Variants in NME2 observed in about 807,000 individuals in gnomAD.
NME2 encodes the protein nucleoside diphosphate kinase B.
A neutral mutation model predicts 17.8 loss-of-function variants in NME2; 18 were observed. That is an observed-to-expected ratio of 1.01 (90% CI 0.70 to 1.50). The LOEUF (loss-of-function observed/expected upper bound fraction) is 1.50, where lower values mean the gene tolerates loss of function less well. Ranked by LOEUF, NME2 falls within the 40% of genes most tolerant of loss-of-function variation. The pLI is 0.00. For synonymous variants in NME2, 74 were observed against 71.4 expected (o/e 1.04, Z -0.19); for missense variants, 161 against 195.6 (o/e 0.82, Z 1.05).
At chr17:51,169,050 T>C (rs1328017390) in intron 3 of NME2, among the ~76,000 whole-genome samples, 1 of 152,192 alleles carries the variant, frequency 6.6e-6, no homozygotes, top group Non-Finnish European at 1.5e-5. Context: ...TATTTTCTCA[T>C]GAAAAATTCA....
At chr17:51,170,885 T>A (rs989493940) in intron 4 of NME2, among the ~76,000 whole-genome samples, 1 of 152,022 alleles carries the variant, frequency 6.6e-6, no homozygotes, top group African/African-American at 2.4e-5. Context: ...AATTCCTGTG[T>A]AGTACAGCAA....
At position 51,169,963 on chromosome 17, in the gene NME2, G is replaced by A. The variant is rs779475631; in HGVS notation, c.255G>A (p.Lys85=). Residue 85 remains lysine, a synonymous_variant, in exon 4 of 5, where the codon AAG becomes AAA. Coordinates refer to ENST00000512737, the MANE Select transcript of NME2 (RefSeq NM_002512.4). ...AMVWEGLNVV[K]TGRVMLGETN... The stretch of plus-strand genomic sequence containing the variant: ...TCTGGGAGGGGCTGAACGTGGTGAA[G>A]ACAGGCCGAGTGATGCTTGGGGAGA... 39 of 1,613,476 alleles carry A rather than the reference G, an allele frequency of 2.4e-5. No homozygotes were observed. Among genetic ancestry groups the A allele is most frequent in the Admixed American group, 5.0e-5 (3 of 59,860 alleles).
chr17:51,167,246 G>GA, intron 2 of NME2: 2 of 495,246 alleles, frequency 4.0e-6, no homozygotes, highest in Non-Finnish European at 6.8e-6. Flanking sequence ...GCAGGGAGCG[G>GA]AAAAACCCCG....
At position 51,171,503 on chromosome 17, in the gene NME2, A is replaced by T. The variant is rs201216664; in HGVS notation, c.358A>T (p.Ser120Cys). 6.2e-7 allele frequency: 1 copy of T among 1,613,536 alleles called. No homozygotes were observed. The highest frequency in any genetic ancestry group is 1.3e-5 in the African/African-American group (1 of 74,916). ...CTTTCTTAGGAACATCATTCATGGC[A>T]GTGATTCAGTAAAAAGTGCTGAAAA... ...IQVGRNIIHG[S>C]DSVKSAEKEI... is the part of the protein sequence containing the mutation. Residue 120 changes from serine (S) to cysteine (C), a missense_variant, in exon 5 of 5, where the codon AGT becomes TGT. Coordinates refer to ENST00000512737, the MANE Select transcript of NME2 (RefSeq NM_002512.4).
intron 3 of NME2, among the ~76,000 whole-genome samples, chr17:51,168,871 G>C (rs564211230): frequency 1.3e-5 from 2 of 150,886 alleles, no homozygotes; most frequent in African/African-American, 4.9e-5. Context: ...GCTGAAGCAC[G>C]AGAATCGCTT....
At chr17:51,170,083 A>G (rs2050036857) in intron 4 of NME2, 34 bp downstream of exon 4, 1 of 1,515,982 alleles carries the variant, frequency 6.6e-7, no homozygotes, top group Non-Finnish European at 9.0e-7. Flanking sequence ...GATGACTTTT[A>G]TGCAACACCA....
At position 51,171,730 on chromosome 17, in the gene NME2, C is replaced by A; in HGVS notation, c.*126C>A. The A allele has an allele frequency of 1.4e-6, 1 of 694,654 alleles. No homozygotes were observed. The highest frequency in any genetic ancestry group is 2.4e-6 in the Non-Finnish European group (1 of 411,716). The allele number at this position is 694,654 out of a possible 1,614,324, so 43.0% of individuals were successfully genotyped here. A position where few individuals can be genotyped will look rare whatever the true frequency, so the allele number is the denominator to read the frequency against. On this transcript the variant is annotated 3_prime_UTR_variant, in exon 5 of 5. Transcript: ENST00000512737. Reference sequence around the variant, plus strand: ...TTATAGAGCATATTTGCCAATAAAGCTTTTGGAAGCCGGACACTGTCTCCT... The same window carrying A: ...TTATAGAGCATATTTGCCAATAAAGATTTTGGAAGCCGGACACTGTCTCCT...
At position 51,171,724 on chromosome 17, in the gene NME2, A is replaced by G. The variant is rs951874454; in HGVS notation, c.*120A>G. Reference sequence around the variant, plus strand: ...ATTCTTTTATAGAGCATATTTGCCAATAAAGCTTTTGGAAGCCGGACACTG... The same window carrying G: ...ATTCTTTTATAGAGCATATTTGCCAGTAAAGCTTTTGGAAGCCGGACACTG... On this transcript the variant is annotated 3_prime_UTR_variant, in exon 5 of 5. Coordinates refer to ENST00000512737, the MANE Select transcript of NME2 (RefSeq NM_002512.4). The G allele has an allele frequency of 1.3e-5, 10 of 757,152 alleles. No individual in the cohort carries two copies. Among genetic ancestry groups the G allele is most frequent in the Non-Finnish European group, 2.2e-5 (10 of 461,442 alleles). 46.9% of individuals were successfully genotyped at this position (757,152 alleles called of 1,614,324 possible).
intron 2 of NME2, 108 bp downstream of exon 2, chr17:51,167,064 GA>G: frequency 6.3e-7 from 1 of 1,597,626 alleles, no homozygotes. Flanking sequence ...TCGCTGCCGC[GA>G]AATCCCTTTG....
At chr17:51,167,099 C>T (rs1367353924) in intron 2 of NME2, 143 bp downstream of exon 2, 12 of 1,521,746 alleles carry the variant, frequency 7.9e-6, no homozygotes, top group Non-Finnish European at 1.1e-5. Context: ...CCCACGGCGG[C>T]TTGGGCCCGC....
chr17:51,168,670 C>T (rs1233088895), intron 3 of NME2, among the ~76,000 whole-genome samples: 4 of 142,430 alleles, frequency 2.8e-5, no homozygotes, highest in South Asian at 2.2e-4. Flanking sequence ...GACTCTGTCT[C>T]GACAAAGAAA....
rs777047437 is a variant in NME2, at chr17:51,171,522, C to G, written c.377C>G (p.Ala126Gly). 6.2e-7 allele frequency: 1 copy of G among 1,613,708 alleles called. No individual in the cohort carries two copies. Among genetic ancestry groups the G allele is most frequent in the Admixed American group, 1.7e-5 (1 of 59,992 alleles). The change falls in exon 5 of 5, where the codon GCT becomes GGT. Residue 126 changes from alanine to glycine, a missense_variant. By Grantham distance (60) the Ala-to-Gly change is moderately conservative (BLOSUM62 0). Coordinates refer to ENST00000512737, the MANE Select transcript of NME2 (RefSeq NM_002512.4). ...CATGGCAGTGATTCAGTAAAAAGTGCTGAAAAAGAAATCAGCCTATGGTTT... is the reference window on the plus strand; with the variant it reads ...CATGGCAGTGATTCAGTAAAAAGTGGTGAAAAAGAAATCAGCCTATGGTTT... ...IIHGSDSVKS[A>G]EKEISLWFKP...
chr17:51,167,084 C>G (rs1398106433), intron 2 of NME2, 128 bp downstream of exon 2: 1 of 1,563,178 alleles, frequency 6.4e-7, no homozygotes, highest in East Asian at 2.4e-5. Flanking sequence ...TGCCCTCTGC[C>G]CCCGCCCACG....
rs747276879 is a variant in NME2, at chr17:51,171,514, A to G, written c.369A>G (p.Val123=). Residue 123 remains valine (V), a synonymous_variant, in exon 5 of 5, where the codon GTA becomes GTG. Coordinates refer to ENST00000512737, the MANE Select transcript of NME2 (RefSeq NM_002512.4). ...GRNIIHGSDS[V]KSAEKEISLW... ...ACATCATTCATGGCAGTGATTCAGTAAAAAGTGCTGAAAAAGAAATCAGCC... is the reference window on the plus strand; with the variant it reads ...ACATCATTCATGGCAGTGATTCAGTGAAAAGTGCTGAAAAAGAAATCAGCC... The G allele has an allele frequency of 6.2e-7, 1 of 1,613,774 alleles. No homozygotes were observed. Among genetic ancestry groups the G allele is most frequent in the Non-Finnish European group, 8.5e-7 (1 of 1,179,706 alleles).
Position 51,168,359 on chromosome 17 carries a change from G to A in NME2, c.228+16G>A. 6.2e-7 allele frequency: 1 copy of A among 1,612,286 alleles called. No homozygotes were observed. On this transcript the variant is annotated intron_variant, in intron 3 of 4. Transcript: ENST00000512737. ...TGTGGCCATGGTGAGTGCTCGTGGG[G>A]AATGAGAGAAAATGAGGAAAAAGTG... is the stretch of plus-strand genomic sequence containing the variant.
At chr17:51,170,787 C>CAA (rs34260519) in intron 4 of NME2, among the ~76,000 whole-genome samples, 11 of 64,258 alleles carry the variant, frequency 1.7e-4, no homozygotes, top group Non-Finnish European at 3.4e-4. Flanking sequence ...AACTCCGTCT[C>CAA]AAAAAAAAAA....
At chr17:51,166,682 C>A in intron 1 of NME2, 145 bp from the exon 2 acceptor site, 1 of 802,506 alleles carries the variant, frequency 1.2e-6, no homozygotes, top group Non-Finnish European at 1.7e-6. Flanking sequence ...GGACGCCGGC[C>A]CTGCGCGGGG....
At chr17:51,168,642 G>A (rs2049999340) in intron 3 of NME2, among the ~76,000 whole-genome samples, 1 of 152,078 alleles carries the variant, frequency 6.6e-6, no homozygotes, top group South Asian at 2.1e-4. Context: ...CTGCACTCCA[G>A]CCTGGGCAAC....
Position 51,171,666 on chromosome 17 carries a change from C to A in NME2, c.*62C>A. 8.0e-7 allele frequency: 1 copy of A among 1,251,132 alleles called. No individual in the cohort carries two copies. Among genetic ancestry groups the A allele is most frequent in the Non-Finnish European group, 1.2e-6 (1 of 865,728 alleles). The allele number at this position is 1,251,132 out of a possible 1,614,324, so 77.5% of individuals were successfully genotyped here. On this transcript the variant is annotated 3_prime_UTR_variant, in exon 5 of 5. Transcript: ENST00000512737. ...TGGTGTGTCCCTGGACACAGCTCTT[C>A]ATTCCATTGACTTAGAGGCAACAGG...
Sources: allele counts gnomAD v4.1 joint callset (sites outside exome capture counted in the v4.1 genomes callset), GRCh38; gene constraint gnomAD v4.1.1; transcripts MANE v1.5; gene names NCBI Gene and HGNC (gene_info 2026-07-23, HGNC 2026-07-21).